TSTD2: variants seen among roughly 807,000 people sequenced by gnomAD.
TSTD2 encodes the protein thiosulfate sulfurtransferase/rhodanese-like domain-containing protein 2.
A neutral mutation model predicts 47.9 loss-of-function variants in TSTD2; 37 were observed. The ratio of observed to expected loss-of-function variants is 0.77; its 90% CI spans 0.59 to 1.02. The LOEUF is 1.02. TSTD2 is among the 50% of genes least tolerant of loss of function. TSTD2 has a pLI of 0.00. For synonymous variants in TSTD2, 201 were observed against 215.9 expected, an observed-to-expected ratio of 0.93 and a Z score of 0.61; for missense variants, 586 against 616.0, an observed-to-expected ratio of 0.95 and a Z score of 0.52.
At chr9:97,622,866 C>T (rs1403432763) in intron 3 of TSTD2, among the ~76,000 whole-genome samples, 1 of 152,224 alleles carries the variant, frequency 6.6e-6, no homozygotes, top group African/African-American at 2.4e-5. Flanking sequence ...ATGCCTATGC[C>T]CCCATTGTAT....
chr9:97,628,056 T>C (rs1826751229), intron 1 of TSTD2, among the ~76,000 whole-genome samples: 1 of 152,158 alleles, frequency 6.6e-6, no homozygotes, highest in African/African-American at 2.4e-5. Context: ...TTAGGGTAAA[T>C]AATACCAGAA....
chr9:97,625,578 T>C (rs1182416083), intron 3 of TSTD2, 103 bp downstream of exon 3: 6 of 1,079,090 alleles, frequency 5.6e-6, no homozygotes, highest in African/African-American at 4.7e-5. Flanking sequence ...TTTGACACAG[T>C]TGGTCTTTCT....
At chr9:97,617,434 A>G (rs1826562197) in intron 4 of TSTD2, among the ~76,000 whole-genome samples, 1 of 152,250 alleles carries the variant, frequency 6.6e-6, no homozygotes, top group Non-Finnish European at 1.5e-5. Flanking sequence ...ATTCAAACAC[A>G]GCCATCCAAT....
intron 6 of TSTD2, among the ~76,000 whole-genome samples, chr9:97,609,008 G>C (rs981536760): frequency 2.0e-5 from 3 of 150,334 alleles, no homozygotes; most frequent in Admixed American, 2.0e-4. Context: ...AATCAAATTG[G>C]AATCTGATCA....
chr9:97,605,561 A>G lies in TSTD2; in HGVS notation c.1035T>C (p.Leu345=). ...FPSYVDKNLE[L]FREKRVLMYC... ...ACATCAGCACTCTCTTCTCTCTGAA[A>G]AGTTCTAGATTTTTGTCAACGTAGC... The change falls in exon 8 of 10, where the codon CTT becomes CTC. Residue 345 remains leucine, a synonymous_variant. Transcript: ENST00000341170. The G allele has an allele frequency of 1.2e-6, 2 of 1,614,184 alleles. No individual in the cohort carries two copies. Among genetic ancestry groups the G allele is most frequent in the Non-Finnish European group, 1.7e-6 (2 of 1,180,026 alleles).
In TSTD2 at chr9:97,606,161, G is replaced by A; in HGVS notation, c.936C>T (p.Asn312=). 1 of 1,609,410 alleles carries A rather than the reference G, an allele frequency of 6.2e-7. No individual in the cohort carries two copies. The highest frequency in any genetic ancestry group is 1.1e-5 in the South Asian group (1 of 90,464). ...TACTTACTATTTTGCTTTCATAGAAGTTTCTGCAATCAAGAAGGATAGTAT... is the reference window on the plus strand; with the variant it reads ...TACTTACTATTTTGCTTTCATAGAAATTTCTGCAATCAAGAAGGATAGTAT... ...QSDTILLDCR[N]FYESKIGRFQ... is the part of the protein sequence containing the mutation. Residue 312 remains asparagine (N), a synonymous_variant, in exon 7 of 10, where the codon AAC becomes AAT. Coordinates refer to ENST00000341170, the MANE Select transcript of TSTD2 (RefSeq NM_139246.5).
At position 97,605,493 on chromosome 9, in the gene TSTD2, A is replaced by C. The variant is rs758812226; in HGVS notation, c.1103T>G (p.Leu368Arg). Reference sequence around the variant, plus strand: ...GGGGTGGTGGCTCACCTTGGCTTTGAGGTAGGCTGAACCCCGCTCACAGCG... The same window carrying C: ...GGGGTGGTGGCTCACCTTGGCTTTGCGGTAGGCTGAACCCCGCTCACAGCG... ...GIRCERGSAY[L>R]KAKGVCKEVF... The change falls in exon 8 of 10, where the codon CTC (leucine) becomes CGC (arginine). Residue 368 changes from leucine to arginine, a missense_variant. Transcript: ENST00000341170. 6.2e-6 allele frequency: 10 copies of C among 1,613,488 alleles called. No homozygotes were observed. Among genetic ancestry groups the C allele is most frequent in the Non-Finnish European group, 8.5e-6 (10 of 1,179,882 alleles).
chr9:97,630,667 C>G (rs147828921), intron 1 of TSTD2, among the ~76,000 whole-genome samples: 144 of 152,162 alleles, frequency 9.5e-4, no homozygotes, highest in African/African-American at 3.4e-3. Context: ...ATATTTGCCT[C>G]AAAATAATTG....
In TSTD2 at chr9:97,629,876, A is replaced by C. The variant is rs142683092; in HGVS notation, c.-50-2264T>G. 7.9e-5 allele frequency among the ~76,000 whole-genome samples: 12 copies of C among 152,336 alleles called. No individual in the cohort carries two copies. The East Asian group carries it at 2.1e-3, about 27-fold the overall frequency. ...ACATTTGGGAGGTAACATTGTCGAAAGGAATTACTATCCAATCCGGTCCCA... is the reference window on the plus strand; with the variant it reads ...ACATTTGGGAGGTAACATTGTCGAACGGAATTACTATCCAATCCGGTCCCA... On this transcript the variant is annotated intron_variant, in intron 1 of 9. Coordinates refer to ENST00000341170, the MANE Select transcript of TSTD2 (RefSeq NM_139246.5).
intron 6 of TSTD2, among the ~76,000 whole-genome samples, chr9:97,606,899 G>A (rs530662415): frequency 1.3e-5 from 2 of 152,246 alleles, no homozygotes; most frequent in African/African-American, 4.8e-5. Flanking sequence ...AACGACATAT[G>A]AGAAAGAAAG....
At chr9:97,611,726 AAC>A in intron 4 of TSTD2, 27 bp from the exon 5 acceptor site, 1 of 1,589,412 alleles carries the variant, frequency 6.3e-7, no homozygotes, top group Non-Finnish European at 8.6e-7. Flanking sequence ...TGAAAAAGAG[AAC>A]AGATTGTTCT....
In TSTD2 at chr9:97,633,266, G is replaced by C. The variant is rs902613604; in HGVS notation, c.-74C>G. 9.2e-6 allele frequency: 2 copies of C among 217,924 alleles called. No individual in the cohort carries two copies. Among genetic ancestry groups the C allele is most frequent in the Non-Finnish European group, 1.8e-5 (2 of 111,410 alleles). 13.5% of individuals were successfully genotyped at this position (217,924 alleles called of 1,614,324 possible). The stretch of plus-strand genomic sequence containing the variant: ...ACCCGCCAGTCCTGATCCTTTCTAA[G>C]GTCTCTCTTCCCTGCACTGTCTCCG... On this transcript the variant is annotated 5_prime_UTR_variant, in exon 1 of 10. Transcript: ENST00000341170.
chr9:97,617,980 G>A (rs1038492929), intron 3 of TSTD2, 103 bp from the exon 4 acceptor site: 37 of 1,429,186 alleles, frequency 2.6e-5, no homozygotes, highest in Non-Finnish European at 3.2e-5. Context: ...GCTAAGATGA[G>A]GACACTCATG....
In TSTD2 at chr9:97,604,768, T is replaced by A. The variant is rs1826337397; in HGVS notation, c.1211A>T (p.Asp404Val). Residue 404 changes from aspartate (D) to valine (V), a missense_variant, in exon 9 of 10, where the codon GAT becomes GTT. Coordinates refer to ENST00000341170, the MANE Select transcript of TSTD2 (RefSeq NM_139246.5). ...GFYKGKLFVF[D>V]ERYALSYNSD... The stretch of plus-strand genomic sequence containing the variant: ...GTTGTAGGACAGAGCATAGCGTTCA[T>A]CAAAAACAAACAACTTCCCTTTGTA... The A allele has an allele frequency of 2.5e-6, 4 of 1,614,040 alleles. No individual in the cohort carries two copies. The highest frequency in any genetic ancestry group is 3.4e-6 in the Non-Finnish European group (4 of 1,180,028).
rs1298418446 is a variant in TSTD2, at chr9:97,602,568, T to A, written c.1452A>T (p.Arg484=). 1.2e-6 allele frequency: 2 copies of A among 1,614,152 alleles called. No homozygotes were observed. The highest frequency in any genetic ancestry group is 2.2e-5 in the South Asian group (2 of 91,082). ...SFKEECECTA[R]RPRIPRELLQ... is the part of the protein sequence containing the mutation. ...AGAGTTCCCTAGGTATGCGTGGCCG[T>A]CGGGCTGTGCACTCGCATTCCTCTT... is the stretch of plus-strand genomic sequence containing the variant. The change falls in exon 10 of 10, where the codon CGA becomes CGT. Residue 484 remains arginine (R), a synonymous_variant. Transcript: ENST00000341170.
intron 3 of TSTD2, 95 bp from the exon 4 acceptor site, chr9:97,617,972 T>C: frequency 1.8e-5 from 26 of 1,484,958 alleles, no homozygotes; most frequent in Non-Finnish European, 2.3e-5. Context: ...GAGGGAAGGC[T>C]AAGATGAGGA....
intron 9 of TSTD2, 50 bp from the exon 10 acceptor site, chr9:97,602,817 C>A: frequency 6.5e-7 from 1 of 1,531,054 alleles, no homozygotes; most frequent in South Asian, 1.3e-5. Context: ...TTCACACACA[C>A]GTGGACAGGC....
chr9:97,613,827 CT>C (rs755229835), intron 4 of TSTD2, among the ~76,000 whole-genome samples: 11,507 of 122,982 alleles, frequency 0.094, 780 homozygotes, highest in African/African-American at 0.28. Flanking sequence ...TTGATCAATT[CT>C]TTTTTTTTTT....
rs373200620 is a variant in TSTD2, at chr9:97,602,438, C to T, written c.*31G>A. The stretch of plus-strand genomic sequence containing the variant: ...ATAGTCACCCCAAACCTACTTTTAC[C>T]GAGGGCCTGGGAAAATGCCAAAGGT... On this transcript the variant is annotated 3_prime_UTR_variant, in exon 10 of 10. Transcript: ENST00000341170. The T allele has an allele frequency of 2.6e-5, 40 of 1,552,688 alleles. No individual in the cohort carries two copies. Among genetic ancestry groups the T allele is most frequent in the Non-Finnish European group, 2.0e-5 (23 of 1,147,174 alleles).
Sources: allele counts gnomAD v4.1 joint callset (sites outside exome capture counted in the v4.1 genomes callset), GRCh38; gene constraint gnomAD v4.1.1; transcripts MANE v1.5; gene names NCBI Gene and HGNC (gene_info 2026-07-23, HGNC 2026-07-21).